Variants in SCN7A observed in about 807,000 individuals in gnomAD.
SCN7A encodes sodium channel protein type 7 subunit alpha.
In SCN7A, 138 loss-of-function variants were observed where a neutral mutation model predicts 155.2. That is an observed-to-expected ratio of 0.89 (90% CI 0.77 to 1.02). The LOEUF (loss-of-function observed/expected upper bound fraction) is 1.02. Ranked by LOEUF, SCN7A falls within the 50% of genes least tolerant of loss-of-function variation. The probability of loss-of-function intolerance (pLI) is 0.00; values close to 1 mark genes in which losing one functional copy is unlikely to be tolerated. For missense variants in SCN7A, 2,058 were observed against 1,986.6 expected (o/e 1.04, Z -0.68); for synonymous variants, 693 against 649.0 (o/e 1.07, Z -1.03).
chr2:166,470,732 A>T (rs776078417), intron 6 of SCN7A, 26 bp from the exon 7 acceptor site: 12 of 1,571,534 alleles, frequency 7.6e-6, no homozygotes, highest in Admixed American at 1.8e-5. Flanking sequence ...AGAGTTACTT[A>T]AAAGTCATAT....
intron 12 of SCN7A, among the ~76,000 whole-genome samples, chr2:166,447,058 T>G (rs1702079876): frequency 1.3e-5 from 2 of 152,090 alleles, no homozygotes; most frequent in South Asian, 4.1e-4. Flanking sequence ...AATCTGTGTG[T>G]GAAAATAAAA....
chr2:166,409,804 A>G lies in SCN7A; in HGVS notation c.3843T>C (p.Ile1281=), dbSNP rs1270638651. ...DTDVQSLQMS[I]ALYWINSIFV... ...AAATTGAGTTAATCCAGTAGAGAGCAATGGACATTTGTAGACTCTGAACAT... is the reference window on the plus strand; with the variant it reads ...AAATTGAGTTAATCCAGTAGAGAGCGATGGACATTTGTAGACTCTGAACAT... The change falls in exon 25 of 26, where the codon ATT becomes ATC. Residue 1281 remains isoleucine (I), a synonymous_variant. Coordinates refer to ENST00000643258, the MANE Select transcript of SCN7A (RefSeq NM_002976.4). 3.2e-6 allele frequency: 5 copies of G among 1,573,688 alleles called. No individual in the cohort carries two copies. The highest frequency in any genetic ancestry group is 4.3e-6 in the Non-Finnish European group (5 of 1,157,196).
At position 166,429,214 on chromosome 2, in the gene SCN7A, C is replaced by T; in HGVS notation, c.2653G>A (p.Glu885Lys). ...CTTTCACCTCCATAGAACATTTCTTCTTCTTCAGAGATAGCAATATCAACA... is the reference window on the plus strand; with the variant it reads ...CTTTCACCTCCATAGAACATTTCTTTTTCTTCAGAGATAGCAATATCAACA... ...STVDIAISEEEEMFYGGERSK... is the reference protein window; with the variant it reads ...STVDIAISEEKEMFYGGERSK... The change falls in exon 17 of 26, where the codon GAA (glutamate) becomes AAA (lysine). Residue 885 changes from glutamate (E) to lysine (K), a missense_variant. Transcript: ENST00000643258. The T allele has an allele frequency of 1.3e-6, 2 of 1,547,838 alleles. No individual in the cohort carries two copies. The highest frequency in any genetic ancestry group is 1.7e-6 in the Non-Finnish European group (2 of 1,144,972).
chr2:166,471,206 A>G (rs966640677), intron 6 of SCN7A, among the ~76,000 whole-genome samples: 9 of 151,900 alleles, frequency 5.9e-5, no homozygotes, highest in Non-Finnish European at 1.3e-4. Context: ...CTCTGAAGCC[A>G]GACTGCTTGT....
chr2:166,410,684 T>C (rs910360836), intron 23 of SCN7A, among the ~76,000 whole-genome samples: 1 of 151,962 alleles, frequency 6.6e-6, no homozygotes, highest in Non-Finnish European at 1.5e-5. Context: ...GAAAAGTTGA[T>C]TTGTATCTTT....
chr2:166,439,075 A>ATATATT (rs1701902191), intron 15 of SCN7A, among the ~76,000 whole-genome samples: 1 of 146,980 alleles, frequency 6.8e-6, no homozygotes, highest in Non-Finnish European at 1.5e-5. Context: ...ATATATATAT[A>ATATATT]TATAGCCTCA....
chr2:166,475,121 C>T (rs200269797), intron 3 of SCN7A, among the ~76,000 whole-genome samples: 17,789 of 101,560 alleles, frequency 0.18, 1,409 homozygotes, highest in African/African-American at 0.2. Context: ...TATATATATA[C>T]ATATATATAT....
chr2:166,433,079 A>G (rs751668671), intron 15 of SCN7A, among the ~76,000 whole-genome samples: 3 of 152,214 alleles, frequency 2.0e-5, no homozygotes, highest in Non-Finnish European at 2.9e-5. Context: ...ATTTATGCCT[A>G]GTGTTCCATT....
At position 166,474,340 on chromosome 2, in the gene SCN7A, A is replaced by G. The variant is rs1171473059; in HGVS notation, c.239T>C (p.Phe80Ser). 1 of 1,417,196 alleles carries G rather than the reference A, an allele frequency of 7.1e-7. No individual in the cohort carries two copies. The highest frequency in any genetic ancestry group is 2.2e-5 in the Admixed American group (1 of 46,188). 87.8% of individuals were successfully genotyped at this position (1,417,196 alleles called of 1,614,324 possible). A position where few individuals can be genotyped will look rare whatever the true frequency, so the allele number is the denominator to read the frequency against. ...DPYYYKKKNT[F>S]IVLNKNRTIF... ...TGTTCTATTTTTATTTAATACTATG[A>G]AAGTCTGTAAGAAGAAAAGCGATCA... The change falls in exon 4 of 26, where the codon TTC (phenylalanine) becomes TCC (serine). Residue 80 changes from phenylalanine to serine, a missense_variant. Phe to Ser is a radical substitution (Grantham distance 155, BLOSUM62 -2). Coordinates refer to ENST00000643258, the MANE Select transcript of SCN7A (RefSeq NM_002976.4).
chr2:166,447,154 T>C (rs1702082045), intron 12 of SCN7A, among the ~76,000 whole-genome samples: 1 of 152,122 alleles, frequency 6.6e-6, no homozygotes, highest in Non-Finnish European at 1.5e-5. Context: ...AGAAGAAAAA[T>C]GTAGGGACAT....
chr2:166,456,024 G>T (rs552954425), intron 11 of SCN7A, among the ~76,000 whole-genome samples: 1 of 152,118 alleles, frequency 6.6e-6, no homozygotes, highest in South Asian at 2.1e-4. Context: ...ATACTATGCA[G>T]CCATGAAAAA....
At chr2:166,424,065 T>C (rs574213164) in intron 18 of SCN7A, among the ~76,000 whole-genome samples, 18 of 152,190 alleles carry the variant, frequency 1.2e-4, no homozygotes, top group Admixed American at 1.1e-3. Context: ...AATATCAATA[T>C]ACATAAGAGG....
intron 2 of SCN7A, among the ~76,000 whole-genome samples, chr2:166,485,490 A>G (rs1703026584): frequency 6.6e-6 from 1 of 152,208 alleles, no homozygotes; most frequent in Non-Finnish European, 1.5e-5. Flanking sequence ...ATCAATGAGC[A>G]TAAGGAAGGC....
intron 11 of SCN7A, among the ~76,000 whole-genome samples, chr2:166,449,442 T>A (rs1702133439): frequency 6.6e-6 from 1 of 152,026 alleles, no homozygotes. Context: ...CTGTGGTATA[T>A]CTTAAATGGC....
At position 166,405,559 on chromosome 2, in the gene SCN7A, GA is replaced by G; in HGVS notation, c.*20del. The G allele has an allele frequency of 1.7e-5, 25 of 1,477,670 alleles. No homozygotes were observed. Among genetic ancestry groups the G allele is most frequent in the Non-Finnish European group, 2.3e-5 (25 of 1,098,902 alleles). The allele number at this position is 1,477,670 out of a possible 1,614,324, so 91.5% of individuals were successfully genotyped here. A position where few individuals can be genotyped will look rare whatever the true frequency, so the allele number is the denominator to read the frequency against. On this transcript the variant is annotated 3_prime_UTR_variant, in exon 26 of 26. Coordinates refer to ENST00000643258, the MANE Select transcript of SCN7A (RefSeq NM_002976.4). The stretch of plus-strand genomic sequence containing the variant: ...ATTTTTCAGATATGTGAAGAAATAT[GA>G]AAAGAGGTGGTAAGTGGTATTAGAT...
intron 15 of SCN7A, among the ~76,000 whole-genome samples, chr2:166,433,422 C>T (rs1701774894): frequency 6.6e-6 from 1 of 152,028 alleles, no homozygotes; most frequent in Admixed American, 6.6e-5. Flanking sequence ...ATCCACCTAC[C>T]ACAGTGTGTC....
chr2:166,473,467 T>C (rs1420804116), intron 5 of SCN7A, among the ~76,000 whole-genome samples: 2 of 151,610 alleles, frequency 1.3e-5, no homozygotes, highest in East Asian at 1.9e-4. Context: ...GAAAATTTAA[T>C]GGGCCTTTCC....
At chr2:166,416,497 C>T (rs1264793228) in intron 21 of SCN7A, among the ~76,000 whole-genome samples, 5 of 152,162 alleles carry the variant, frequency 3.3e-5, no homozygotes, top group Admixed American at 3.3e-4. Flanking sequence ...TATTTCTCAG[C>T]TGGCCAACAC....
chr2:166,412,372 T>C (rs1701220280), intron 23 of SCN7A, among the ~76,000 whole-genome samples, 158 bp downstream of exon 23: 1 of 152,106 alleles, frequency 6.6e-6, no homozygotes, highest in African/African-American at 2.4e-5. Flanking sequence ...TGTTCATCAA[T>C]GTGCAGGAAC....
Sources: allele counts gnomAD v4.1 joint callset (sites outside exome capture counted in the v4.1 genomes callset), GRCh38; gene constraint gnomAD v4.1.1; transcripts MANE v1.5; gene names NCBI Gene and HGNC (gene_info 2026-07-23, HGNC 2026-07-21).